Variants in PDE6B observed in about 807,000 individuals in gnomAD.
The protein encoded by PDE6B is phosphodiesterase 6B.
In PDE6B, 106 loss-of-function variants were observed where a neutral mutation model predicts 109.0. That is an observed-to-expected ratio of 0.97 (90% CI 0.83 to 1.14). The LOEUF (loss-of-function observed/expected upper bound fraction) is 1.14, where lower values mean the gene tolerates loss of function less well. PDE6B is among the 50% of genes most tolerant of loss of function. The probability of loss-of-function intolerance (pLI) is 0.00; values close to 1 mark genes in which losing one functional copy is unlikely to be tolerated. For synonymous variants in PDE6B, 490 were observed against 471.3 expected (o/e 1.04, Z -0.51); for missense variants, 1,193 against 1,155.6 (o/e 1.03, Z -0.47).
In PDE6B at chr4:660,617, G is replaced by A. The variant is rs1227174388; in HGVS notation, c.1614+4G>A. 1 of 1,613,252 alleles carries A rather than the reference G, an allele frequency of 6.2e-7. No individual in the cohort carries two copies. The highest frequency in any genetic ancestry group is 1.7e-4 in the Middle Eastern group (1 of 5,988). ...AAAGTTCCAGATCCCCCAGGAGGTG[G>A]GAGACACCGCAGGGCGCATAGTCAG... On this transcript the variant is annotated splice_donor_region_variant and intron_variant, in intron 12 of 21. Transcript: ENST00000496514.
rs1439695009 is a variant in PDE6B at position 663,065 on chromosome 4, T to A, written c.1833-35T>A. ...GAGCGCAGGGTGGGCCAAGGGCAGG[T>A]CCCACGGGCCTCACCTCCACCACCT... On this transcript the variant is annotated intron_variant, in intron 14 of 21. Coordinates refer to ENST00000496514, the MANE Select transcript of PDE6B (RefSeq NM_000283.4). The surrounding 1 kb of genome is among the most constrained non-coding windows in gnomAD (Gnocchi z 4.0). The A allele has an allele frequency of 8.0e-7, 1 of 1,246,492 alleles. No homozygotes were observed. Among genetic ancestry groups the A allele is most frequent in the Non-Finnish European group, 1.2e-6 (1 of 844,408 alleles). 77.2% of individuals were successfully genotyped at this position (1,246,492 alleles called of 1,614,324 possible). A position where few individuals can be genotyped will look rare whatever the true frequency, so the allele number is the denominator to read the frequency against.
At position 664,000 on chromosome 4, in the gene PDE6B, C is replaced by T; in HGVS notation, c.2022-114C>T. On this transcript the variant is annotated intron_variant, in intron 16 of 21. Transcript: ENST00000496514. This position sits in a 1 kb window ranked among gnomAD's most constrained non-coding sequence, Gnocchi z 4.0. ...CGGATTCCGTCCCTGCCCGCCGGCCCCGCGCACCCCGGATGGGGCCTCGCT... is the reference window on the plus strand; with the variant it reads ...CGGATTCCGTCCCTGCCCGCCGGCCTCGCGCACCCCGGATGGGGCCTCGCT... 4.5e-6 allele frequency: 5 copies of T among 1,123,168 alleles called. No individual in the cohort carries two copies. In the Admixed American group the frequency reaches 5.3e-5, roughly 12 times the overall value. 69.6% of individuals were successfully genotyped at this position (1,123,168 alleles called of 1,614,324 possible).
chr4:661,224 A>G (rs1488736404), intron 12 of PDE6B: 1 of 152,696 alleles, frequency 6.5e-6, no homozygotes. Flanking sequence ...TTAAAGTTTT[A>G]TTATTAGGAG....
intron 2 of PDE6B, among the ~76,000 whole-genome samples, 157 bp from the exon 3 acceptor site, chr4:635,723 T>C (rs1014804562): frequency 1.3e-5 from 2 of 152,250 alleles, no homozygotes; most frequent in African/African-American, 4.8e-5. Flanking sequence ...CCTGTGCACC[T>C]GAGCTTGTGT....
At position 670,163 on chromosome 4, in the gene PDE6B, G is replaced by C; in HGVS notation, c.*56G>C. 2 of 1,611,674 alleles carry C rather than the reference G, an allele frequency of 1.2e-6. No homozygotes were observed. The highest frequency in any genetic ancestry group is 1.7e-6 in the Non-Finnish European group (2 of 1,178,720). On this transcript the variant is annotated 3_prime_UTR_variant, in exon 22 of 22. Transcript: ENST00000496514. ...CTCAATCTTCACCCACTAGGATTTG[G>C]GTTCTGCCTGTGGCTATTTGCTACA...
Position 636,047 on chromosome 4 carries a change from G to A in PDE6B, c.711+78G>A. On this transcript the variant is annotated intron_variant, in intron 3 of 21. Transcript: ENST00000496514. This position sits in a 1 kb window ranked among gnomAD's most constrained non-coding sequence, Gnocchi z 4.5. ...CATCTCGCTGCCTGCACAGAGGCGG[G>A]TGGTGGCAGGTGGTCTTGTGCTCAC... is the stretch of plus-strand genomic sequence containing the variant. 1 of 837,952 alleles carries A rather than the reference G, an allele frequency of 1.2e-6. No homozygotes were observed. Among genetic ancestry groups the A allele is most frequent in the Non-Finnish European group, 2.1e-6 (1 of 482,132 alleles). 51.9% of individuals were successfully genotyped at this position (837,952 alleles called of 1,614,324 possible). A position where few individuals can be genotyped will look rare whatever the true frequency, so the allele number is the denominator to read the frequency against.
rs768260906 is a variant in PDE6B, at chr4:660,536, G to C, written c.1537G>C (p.Glu513Gln). ...EFHFSDLECT[E>Q]LDLVKCGIQM... ...CCACTTCTCTGACCTGGAGTGCACC[G>C]AACTGGACCTGGTCAAATGTGGCAT... is the stretch of plus-strand genomic sequence containing the variant. Residue 513 changes from glutamate to glutamine, a missense_variant, in exon 12 of 22, where the codon GAA becomes CAA. Glu to Gln is a conservative substitution (Grantham distance 29). Coordinates refer to ENST00000496514, the MANE Select transcript of PDE6B (RefSeq NM_000283.4). 5.6e-6 allele frequency: 9 copies of C among 1,613,590 alleles called. No individual in the cohort carries two copies. In the Admixed American group the frequency reaches 6.7e-5, roughly 12 times the overall value.
At chr4:657,285 A>T (rs527991883) in intron 9 of PDE6B, 66 bp from the exon 10 acceptor site, 1 of 1,587,236 alleles carries the variant, frequency 6.3e-7, no homozygotes. Flanking sequence ...GGGGCCTGGC[A>T]CACAGGCACA....
chr4:646,505 G>A (rs1319978259), intron 3 of PDE6B, among the ~76,000 whole-genome samples: 3 of 151,986 alleles, frequency 2.0e-5, no homozygotes, highest in Admixed American at 6.5e-5. Context: ...TTTGGTGTCT[G>A]TCAATACTTT....
chr4:654,699 A>G (rs868722173), intron 5 of PDE6B, 125 bp from the exon 6 acceptor site: 2 of 781,230 alleles, frequency 2.6e-6, no homozygotes, highest in Middle Eastern at 2.4e-4. Context: ...GTACACATGC[A>G]CGGTTACGTG....
In PDE6B at chr4:643,064, C is replaced by A. The variant is rs148522305; in HGVS notation, c.711+7095C>A. Among the ~76,000 whole-genome samples, 286 of 152,214 alleles carry A rather than the reference C, an allele frequency of 1.9e-3. 1 individual carries two copies. Among genetic ancestry groups the A allele is most frequent in the African/African-American group, 6.5e-3 (270 of 41,512 alleles). Reference sequence around the variant, plus strand: ...GTGGCTCACACCTATAATCCCAGCACTTTGGGAGGTTGAGGCGGGCGGATC... The same window carrying A: ...GTGGCTCACACCTATAATCCCAGCAATTTGGGAGGTTGAGGCGGGCGGATC... On this transcript the variant is annotated intron_variant, in intron 3 of 21. Transcript: ENST00000496514.
At chr4:643,886 T>G (rs1351602133) in intron 3 of PDE6B, among the ~76,000 whole-genome samples, 1 of 151,244 alleles carries the variant, frequency 6.6e-6, no homozygotes, top group African/African-American at 2.4e-5. Flanking sequence ...TTCTGACAGG[T>G]TGTATATTTT....
At position 670,560 on chromosome 4, in the gene PDE6B, C is replaced by T. The variant is rs1367535191; in HGVS notation, c.*453C>T. On this transcript the variant is annotated 3_prime_UTR_variant, in exon 22 of 22. Transcript: ENST00000496514. Reference sequence around the variant, plus strand: ...CCCAGCCTGTTTTTATAAACTGAAGCCAACTGTGAATAAACTGTAGCCTAC... The same window carrying T: ...CCCAGCCTGTTTTTATAAACTGAAGTCAACTGTGAATAAACTGTAGCCTAC... 8.9e-6 allele frequency: 2 copies of T among 223,486 alleles called. No individual in the cohort carries two copies. Among genetic ancestry groups the T allele is most frequent in the Non-Finnish European group, 9.1e-6 (1 of 110,248 alleles). The allele number at this position is 223,486 out of a possible 1,614,324, so 13.8% of individuals were successfully genotyped here.
At chr4:635,752 C>T in intron 2 of PDE6B, 128 bp from the exon 3 acceptor site, 2 of 711,384 alleles carry the variant, frequency 2.8e-6, no homozygotes, top group East Asian at 2.7e-5. Flanking sequence ...CCATGTCTGC[C>T]TGTGGGGCAC....
At chr4:642,036 T>C (rs2109150076) in intron 3 of PDE6B, among the ~76,000 whole-genome samples, 1 of 152,366 alleles carries the variant, frequency 6.6e-6, no homozygotes, top group Admixed American at 6.5e-5. Flanking sequence ...TCTCAATCTA[T>C]ATACATTGTA....
At position 626,202 on chromosome 4, in the gene PDE6B, CAG is replaced by C. The variant is rs1307710597; in HGVS notation, c.468+109_468+110del. 1 of 724,028 alleles carries C rather than the reference CAG, an allele frequency of 1.4e-6. No individual in the cohort carries two copies. Among genetic ancestry groups the C allele is most frequent in the Non-Finnish European group, 2.4e-6 (1 of 412,398 alleles). The allele number at this position is 724,028 out of a possible 1,614,324, so 44.9% of individuals were successfully genotyped here. On this transcript the variant is annotated intron_variant, in intron 1 of 21. Coordinates refer to ENST00000496514, the MANE Select transcript of PDE6B (RefSeq NM_000283.4). The surrounding 1 kb of genome is among the most constrained non-coding windows in gnomAD (Gnocchi z 4.6). ...TCAGGCCTCCAGGGAGGCCTCTTGT[CAG>C]GGCACAGGCTAGTTCTGTGCTGAGG...
chr4:657,404 G>A lies in PDE6B; in HGVS notation c.1311G>A (p.Lys437=), dbSNP rs199584840. ...TGATGAACACCGACACCTACGACAA[G>A]ATGAACAAGCTGGAGAACCGCAAGG... The part of the protein sequence containing the change: ...WSVMNTDTYD[K]MNKLENRKDI... The change falls in exon 10 of 22, where the codon AAG becomes AAA. Residue 437 remains lysine, a synonymous_variant. Coordinates refer to ENST00000496514, the MANE Select transcript of PDE6B (RefSeq NM_000283.4). The A allele has an allele frequency of 6.2e-7, 1 of 1,613,340 alleles. No homozygotes were observed. Among genetic ancestry groups the A allele is most frequent in the East Asian group, 2.2e-5 (1 of 44,888 alleles).
At chr4:647,086 G>A (rs1177801039) in intron 3 of PDE6B, among the ~76,000 whole-genome samples, 4 of 151,946 alleles carry the variant, frequency 2.6e-5, no homozygotes, top group Admixed American at 6.6e-5. Context: ...TTGAACTCCT[G>A]ACTTCAGTTG....
rs1379820703 is a variant in PDE6B at position 636,374 on chromosome 4, G to C, written c.711+405G>C. Among the ~76,000 whole-genome samples the C allele has an allele frequency of 6.6e-6, 1 of 152,104 alleles. No homozygotes were observed. The highest frequency in any genetic ancestry group is 1.9e-4 in the East Asian group (1 of 5,178). ...GCCCTGACTGAGAGAGGGTGTAGGGGCAGGTCCGGCCCTGGCTGAGAGAGG... is the reference window on the plus strand; with the variant it reads ...GCCCTGACTGAGAGAGGGTGTAGGGCCAGGTCCGGCCCTGGCTGAGAGAGG... On this transcript the variant is annotated intron_variant, in intron 3 of 21. Transcript: ENST00000496514. The surrounding 1 kb of genome is among the most constrained non-coding windows in gnomAD (Gnocchi z 4.5).
Sources: gnomAD v4.1 joint callset for allele counts (sites outside exome capture counted in the v4.1 genomes callset) on GRCh38, gnomAD v4.1.1 for gene constraint, Gnocchi (gnomAD v3.1) non-coding constraint, MANE v1.5 for transcripts, NCBI Gene and HGNC (gene_info 2026-07-23, HGNC 2026-07-21) for gene names.